GLDC: variants seen among roughly 807,000 people sequenced by gnomAD.
GLDC encodes the protein glycine dehydrogenase (decarboxylating), mitochondrial.
A neutral mutation model predicts 121.3 loss-of-function variants in GLDC; 104 were observed. The observed-to-expected ratio is 0.86, with a 90% CI of 0.73 to 1.01. The LOEUF (loss-of-function observed/expected upper bound fraction) is 1.01. Ranked by LOEUF, GLDC falls within the 50% of genes least tolerant of loss-of-function variation. The pLI is 0.00. For missense variants in GLDC, 1,429 were observed against 1,306.6 expected (o/e 1.09, Z -1.44); for synonymous variants, 546 against 480.6 (o/e 1.14, Z -1.78).
At chr9:6,563,120 G>A (rs988094908) in intron 16 of GLDC, among the ~76,000 whole-genome samples, 11 of 152,216 alleles carry the variant, frequency 7.2e-5, no homozygotes, top group African/African-American at 2.2e-4. Context: ...AACACAAAGA[G>A]AGGGAACAGG....
rs150171524 is a variant in GLDC, at chr9:6,602,147, G to C, written c.1117C>G (p.Arg373Gly). Reference sequence around the variant, plus strand: ...ATGTTGCTGGTAGCCTTGTCTCTCCGAATGTGTTGCTCCCTGGTTTGAAGA... The same window carrying C: ...ATGTTGCTGGTAGCCTTGTCTCTCCCAATGTGTTGCTCCCTGGTTTGAAGA... ...LALQTREQHI[R>G]RDKATSNICT... Residue 373 changes from arginine (R) to glycine (G), a missense_variant, in exon 8 of 25, where the codon CGG becomes GGG. Coordinates refer to ENST00000321612, the MANE Select transcript of GLDC (RefSeq NM_000170.3). 1 of 1,613,274 alleles carries C rather than the reference G, an allele frequency of 6.2e-7. No individual in the cohort carries two copies. The highest frequency in any genetic ancestry group is 2.2e-5 in the East Asian group (1 of 44,868).
intron 3 of GLDC, among the ~76,000 whole-genome samples, chr9:6,614,413 T>G (rs1401792636): frequency 6.6e-6 from 1 of 151,880 alleles, no homozygotes; most frequent in Non-Finnish European, 1.5e-5. Context: ...TTTTATATTT[T>G]TTTGTAGGGA....
rs576630563 is a variant in GLDC at position 6,545,104 on chromosome 9, A to G, written c.2570-4958T>C. ...ACAAGAGCGAAACTCTGTCTCAAAA[A>G]AAAGAAAAAAAAAAAAGTATCATCT... On this transcript the variant is annotated intron_variant, in intron 21 of 24. Transcript: ENST00000321612. Among the ~76,000 whole-genome samples, 9 of 79,558 alleles carry G rather than the reference A, an allele frequency of 1.1e-4. No homozygotes were observed. The East Asian group carries it at 8.1e-3, about 72-fold the overall frequency. The allele number at this position is 79,558 out of a possible 152,430, so 52.2% of individuals were successfully genotyped here.
At chr9:6,574,878 G>A (rs564065480) in intron 15 of GLDC, among the ~76,000 whole-genome samples, 7 of 152,024 alleles carry the variant, frequency 4.6e-5, no homozygotes, top group Admixed American at 6.6e-5. Flanking sequence ...GGAGGGAGAC[G>A]GCAAATAGTG....
chr9:6,553,514 A>AT lies in GLDC; in HGVS notation c.2316-6dup, dbSNP rs3215923. On this transcript the variant is annotated splice_region_variant and splice_polypyrimidine_tract_variant and intron_variant, in intron 19 of 24. Coordinates refer to ENST00000321612, the MANE Select transcript of GLDC (RefSeq NM_000170.3). The stretch of plus-strand genomic sequence containing the variant: ...AACGGGGCGAGATGTTTCTTCCTGT[A>AT]TTTTTTTTAAGTGCAAATTCAGAAA... The AT allele has an allele frequency of 0.3, 478,432 of 1,600,546 alleles. 70,396 individuals are homozygous for AT. The highest frequency in any genetic ancestry group is 0.34 in the Admixed American group (20,098 of 59,830).
chr9:6,611,380 A>C (rs1818849593), intron 3 of GLDC, among the ~76,000 whole-genome samples: 1 of 152,004 alleles, frequency 6.6e-6, no homozygotes, highest in African/African-American at 2.4e-5. Context: ...ACATGGTGAA[A>C]CCCGTCTCTA....
intron 15 of GLDC, among the ~76,000 whole-genome samples, chr9:6,574,203 C>A (rs1271875505): frequency 6.6e-6 from 1 of 152,150 alleles, no homozygotes; most frequent in Non-Finnish European, 1.5e-5. Flanking sequence ...CACCTGGGAA[C>A]TTGTTAGAAA....
In GLDC at chr9:6,604,518, A is replaced by G. The variant is rs183237661; in HGVS notation, c.1058+70T>C. ...CCCAGTTGAATTCAGATAGAAATCA[A>G]CATTTGTGATCAGAAGAAATCAGGG... On this transcript the variant is annotated intron_variant, in intron 7 of 24. Transcript: ENST00000321612. 7.5e-5 allele frequency: 102 copies of G among 1,368,308 alleles called. 1 individual carries two copies. The Middle Eastern group carries it at 2.3e-3, about 30-fold the overall frequency. The allele number at this position is 1,368,308 out of a possible 1,614,324, so 84.8% of individuals were successfully genotyped here.
chr9:6,611,299 C>A (rs1233295519), intron 3 of GLDC, among the ~76,000 whole-genome samples: 7 of 152,206 alleles, frequency 4.6e-5, no homozygotes, highest in Non-Finnish European at 2.9e-5. Flanking sequence ...AGCTACCACA[C>A]CTCACCTATT....
intron 2 of GLDC, among the ~76,000 whole-genome samples, chr9:6,626,902 C>T (rs1819254040): frequency 6.6e-6 from 1 of 152,194 alleles, no homozygotes; most frequent in Admixed American, 6.5e-5. Flanking sequence ...AACCCACTGG[C>T]CCAATTCATC....
intron 2 of GLDC, among the ~76,000 whole-genome samples, chr9:6,635,644 G>A (rs1034009212): frequency 1.1e-4 from 16 of 152,042 alleles, no homozygotes; most frequent in Non-Finnish European, 2.4e-4. Flanking sequence ...AGACCAAAAT[G>A]AGAGAATCAT....
chr9:6,585,095 G>A (rs1263232232), intron 15 of GLDC: 2 of 152,134 alleles, frequency 1.3e-5, no homozygotes, highest in Non-Finnish European at 2.9e-5. Context: ...ATTCAATCTG[G>A]GATTGTGATG....
intron 8 of GLDC, among the ~76,000 whole-genome samples, chr9:6,599,836 T>G (rs893515234): frequency 1.3e-5 from 2 of 151,934 alleles, no homozygotes; most frequent in African/African-American, 4.8e-5. Flanking sequence ...GAAGAGCTCA[T>G]ATTTGAAAAG....
rs977953992 is a variant in GLDC at position 6,594,839 on chromosome 9, AAG to A, written c.1261+173_1261+174del. ...AGAAAGAAAGAAAGAAAGAAAAAGA[AAG>A]AGAAAGAAAGAAAGCAAAACAACAA... On this transcript the variant is annotated intron_variant, in intron 9 of 24. Coordinates refer to ENST00000321612, the MANE Select transcript of GLDC (RefSeq NM_000170.3). Among the ~76,000 whole-genome samples the A allele has an allele frequency of 3.3e-5, 5 of 151,890 alleles. No homozygotes were observed. The East Asian group carries it at 9.7e-4, about 29-fold the overall frequency.
chr9:6,566,687 A>G (rs547311991), intron 15 of GLDC, among the ~76,000 whole-genome samples: 1 of 152,334 alleles, frequency 6.6e-6, no homozygotes, highest in Admixed American at 6.5e-5. Context: ...AAGGGAAGGG[A>G]AATGAGTAAT....
intron 15 of GLDC, 90 bp from the exon 16 acceptor site, chr9:6,565,519 A>C (rs749686509): frequency 3.2e-6 from 3 of 951,726 alleles, no homozygotes; most frequent in Non-Finnish European, 5.2e-6. Flanking sequence ...CCAGGGGTTC[A>C]CCAGCACGTG....
chr9:6,554,368 T>C (rs992704460), intron 19 of GLDC, among the ~76,000 whole-genome samples: 1 of 152,236 alleles, frequency 6.6e-6, no homozygotes, highest in Non-Finnish European at 1.5e-5. Flanking sequence ...ATATTCCAGT[T>C]ACAATACGTA....
chr9:6,628,054 AACTGAACTTC>A (rs1819282311), intron 2 of GLDC, among the ~76,000 whole-genome samples: 1 of 152,150 alleles, frequency 6.6e-6, no homozygotes, highest in Admixed American at 6.5e-5. Flanking sequence ...ACCAACCTGA[AACTGAACTTC>A]ACAGAATCCA....
At position 6,644,680 on chromosome 9, in the gene GLDC, A is replaced by T. The variant is rs771631849; in HGVS notation, c.268T>A (p.Leu90Met). 2 of 1,611,640 alleles carry T rather than the reference A, an allele frequency of 1.2e-6. No individual in the cohort carries two copies. The highest frequency in any genetic ancestry group is 1.7e-6 in the Non-Finnish European group (2 of 1,177,834). ...TTGGCAGGGACCGTCTTCTCGATCA[A>T]TTCATCAATGCTCTAAAATTAAAAC... ...QTLGLASIDE[L>M]IEKTVPANIR... Residue 90 changes from leucine to methionine, a missense_variant, in exon 2 of 25, where the codon TTG becomes ATG. Transcript: ENST00000321612.
Sources: allele counts gnomAD v4.1 joint callset (sites outside exome capture counted in the v4.1 genomes callset), GRCh38; gene constraint gnomAD v4.1.1; transcripts MANE v1.5; gene names NCBI Gene and HGNC (gene_info 2026-07-23, HGNC 2026-07-21).